Variants in ADARB2 observed in about 807,000 individuals in gnomAD.
ADARB2 encodes adenosine deaminase RNA specific B2 (inactive), also known as inactive double-stranded RNA-specific editase B2.
In ADARB2, 25 loss-of-function variants were observed where a neutral mutation model predicts 62.2. The ratio of observed to expected loss-of-function variants is 0.40; its 90% CI spans 0.29 to 0.56. The LOEUF is 0.56. ADARB2 is among the 20% of genes least tolerant of loss of function. ADARB2 has a pLI of 0.43. For missense variants in ADARB2, 1,071 were observed against 1,077.4 expected (o/e 0.99, Z 0.08); for synonymous variants, 572 against 500.8 (o/e 1.14, Z -1.90).
chr10:1,302,824 G>A (rs992200660), intron 3 of ADARB2, among the ~76,000 whole-genome samples: 1 of 152,166 alleles, frequency 6.6e-6, no homozygotes, highest in African/African-American at 2.4e-5. Flanking sequence ...GGTCCTGTCT[G>A]TTAGAAGGAA....
At position 1,199,955 on chromosome 10, in the gene ADARB2, G is replaced by C; in HGVS notation, c.1864+11C>G. The C allele has an allele frequency of 6.6e-7, 1 of 1,520,816 alleles. No individual in the cohort carries two copies. Among genetic ancestry groups the C allele is most frequent in the South Asian group, 1.3e-5 (1 of 78,138 alleles). 94.2% of individuals were successfully genotyped at this position (1,520,816 alleles called of 1,614,324 possible). A position where few individuals can be genotyped will look rare whatever the true frequency, so the allele number is the denominator to read the frequency against. On this transcript the variant is annotated intron_variant, in intron 8 of 9. Coordinates refer to ENST00000381312, the MANE Select transcript of ADARB2 (RefSeq NM_018702.4). ...AAGGAGGTGGAGGGCCCCCGGGAAG[G>C]GGGTTCTTACCGCTGAGGAGAGGCC...
chr10:1,366,202 C>A (rs1832312464), intron 2 of ADARB2, among the ~76,000 whole-genome samples: 1 of 152,212 alleles, frequency 6.6e-6, no homozygotes, highest in Non-Finnish European at 1.5e-5. Context: ...TGCTTTATTT[C>A]TTTTGCAGAA....
chr10:1,637,936 C>G (rs938278480), intron 1 of ADARB2, among the ~76,000 whole-genome samples: 1 of 152,162 alleles, frequency 6.6e-6, no homozygotes, highest in African/African-American at 2.4e-5. Context: ...TTGAAAGAAA[C>G]CGCCAATATT....
At position 1,704,705 on chromosome 10, in the gene ADARB2, T is replaced by G. The variant is rs1042037618; in HGVS notation, c.100+32346A>C. Among the ~76,000 whole-genome samples the G allele has an allele frequency of 6.6e-5, 10 of 152,170 alleles. No homozygotes were observed. Among genetic ancestry groups the G allele is most frequent in the African/African-American group, 2.4e-4 (10 of 41,430 alleles). On this transcript the variant is annotated intron_variant, in intron 1 of 9. Coordinates refer to ENST00000381312, the MANE Select transcript of ADARB2 (RefSeq NM_018702.4). The surrounding 1 kb of genome is among the most constrained non-coding windows in gnomAD (Gnocchi z 5.6). ...ACATATAAAGTGGTTTGGAATCATG[T>G]GGGATTATTGATATTATTACAAAGA...
chr10:1,544,009 A>C (rs1472684162), intron 1 of ADARB2, among the ~76,000 whole-genome samples: 33 of 23,328 alleles, frequency 1.4e-3, no homozygotes, highest in Admixed American at 2.2e-3. Context: ...AAAAAAAAAA[A>C]AAAACAAACA....
At chr10:1,262,715 C>A (rs1331051475) in intron 4 of ADARB2, among the ~76,000 whole-genome samples, 1 of 152,146 alleles carries the variant, frequency 6.6e-6, no homozygotes, top group Non-Finnish European at 1.5e-5. Context: ...TTGTGGAAGT[C>A]AGTGTGGCGA....
intron 1 of ADARB2, among the ~76,000 whole-genome samples, chr10:1,391,426 C>G (rs1832569788): frequency 6.6e-6 from 1 of 152,182 alleles, no homozygotes; most frequent in South Asian, 2.1e-4. Flanking sequence ...CTCCGGGTCT[C>G]TAAGTCCATT....
chr10:1,655,308 C>G (rs34859907), intron 1 of ADARB2, among the ~76,000 whole-genome samples: 64 of 152,226 alleles, frequency 4.2e-4, no homozygotes, highest in Admixed American at 2.0e-3. Context: ...CACTCAACAC[C>G]CCAGGGTCTA....
chr10:1,334,407 C>A (rs1831955320), intron 3 of ADARB2, among the ~76,000 whole-genome samples: 1 of 152,204 alleles, frequency 6.6e-6, no homozygotes, highest in African/African-American at 2.4e-5. Context: ...GTGCTTCCTA[C>A]AGAGAAATAT....
At chr10:1,199,003 C>T (rs961814894) in intron 8 of ADARB2, among the ~76,000 whole-genome samples, 3 of 152,212 alleles carry the variant, frequency 2.0e-5, no homozygotes, top group Non-Finnish European at 2.9e-5. Context: ...CTAAGGAAAA[C>T]GCGCAGAAAA....
intron 3 of ADARB2, among the ~76,000 whole-genome samples, chr10:1,308,578 C>T (rs1831654390): frequency 6.6e-6 from 1 of 152,236 alleles, no homozygotes; most frequent in Non-Finnish European, 1.5e-5. Context: ...AAATGCCACG[C>T]TGTCTTCCAC....
At chr10:1,514,563 G>T (rs1216836597) in intron 1 of ADARB2, among the ~76,000 whole-genome samples, 1 of 152,110 alleles carries the variant, frequency 6.6e-6, no homozygotes, top group Admixed American at 6.5e-5. Context: ...CCCTCCAGAT[G>T]TGTCCAGATC....
chr10:1,664,270 C>T (rs1834286494), intron 1 of ADARB2, among the ~76,000 whole-genome samples: 1 of 151,760 alleles, frequency 6.6e-6, no homozygotes, highest in African/African-American at 2.4e-5. Context: ...GCCTGCTGGT[C>T]AGTGTGTGGG....
intron 1 of ADARB2, among the ~76,000 whole-genome samples, chr10:1,473,817 G>C (rs982697436): frequency 6.6e-6 from 1 of 152,226 alleles, no homozygotes; most frequent in African/African-American, 2.4e-5. Context: ...TGGGCAATTT[G>C]GGTGGCTTCT....
At chr10:1,232,653 TATGTGGTATGC>T (rs1163018942) in intron 6 of ADARB2, among the ~76,000 whole-genome samples, 1 of 151,338 alleles carries the variant, frequency 6.6e-6, no homozygotes, top group Non-Finnish European at 1.5e-5. Flanking sequence ...GTGTGTGGTA[TATGTGGTATGC>T]ATGTGGTGCT....
intron 1 of ADARB2, among the ~76,000 whole-genome samples, chr10:1,582,389 G>A (rs1833116367): frequency 6.6e-6 from 1 of 152,192 alleles, no homozygotes; most frequent in Admixed American, 6.5e-5. Flanking sequence ...AGATCCCTGC[G>A]TTTGACTCCA....
intron 3 of ADARB2, among the ~76,000 whole-genome samples, chr10:1,312,547 G>T (rs1342699988): frequency 6.6e-6 from 1 of 152,228 alleles, no homozygotes; most frequent in East Asian, 1.9e-4. Flanking sequence ...TGTGAAGAGA[G>T]CCAAGTTTAC....
intron 1 of ADARB2, among the ~76,000 whole-genome samples, chr10:1,658,076 G>C (rs896722641): frequency 2.0e-5 from 3 of 150,482 alleles, no homozygotes; most frequent in Non-Finnish European, 3.0e-5. Flanking sequence ...CTGTGTCTCT[G>C]TGTCTCTCTG....
At chr10:1,223,399 A>G (rs534798191) in intron 6 of ADARB2, among the ~76,000 whole-genome samples, 9 of 152,164 alleles carry the variant, frequency 5.9e-5, no homozygotes, top group Admixed American at 1.3e-4. Flanking sequence ...CTAATTGAAT[A>G]ACCTTTATTT....
Sources: gnomAD v4.1 joint callset for allele counts (sites outside exome capture counted in the v4.1 genomes callset) on GRCh38, gnomAD v4.1.1 for gene constraint, Gnocchi (gnomAD v3.1) non-coding constraint, MANE v1.5 for transcripts, NCBI Gene and HGNC (gene_info 2026-07-23, HGNC 2026-07-21) for gene names.